PPEF2: variants seen among roughly 807,000 people sequenced by gnomAD.
The protein encoded by PPEF2 is serine/threonine-protein phosphatase with EF-hands 2.
In PPEF2, 84 loss-of-function variants were observed where a neutral mutation model predicts 84.7. The ratio of observed to expected loss-of-function variants is 0.99; its 90% CI spans 0.83 to 1.19. The LOEUF is 1.19. Ranked by LOEUF, PPEF2 falls within the 50% of genes most tolerant of loss-of-function variation. The pLI is 0.00. For missense variants in PPEF2, 924 were observed against 937.5 expected (o/e 0.99, Z 0.19); for synonymous variants, 346 against 345.2 (o/e 1.00, Z -0.03).
intron 16 of PPEF2, among the ~76,000 whole-genome samples, chr4:75,862,138 C>G (rs570337275): frequency 6.6e-6 from 1 of 150,944 alleles, no homozygotes; most frequent in African/African-American, 2.4e-5. Context: ...ACTAAAAATA[C>G]AAAAATTAGC....
At chr4:75,881,794 T>C (rs981820166) in intron 10 of PPEF2, 5 of 152,168 alleles carry the variant, frequency 3.3e-5, no homozygotes, top group Admixed American at 3.3e-4. Flanking sequence ...CAGCCAACAA[T>C]TGCCTATTCC....
intron 1 of PPEF2, among the ~76,000 whole-genome samples, chr4:75,899,831 C>T (rs990102493): frequency 7.2e-5 from 11 of 152,128 alleles, no homozygotes; most frequent in African/African-American, 2.7e-4. Flanking sequence ...GAAGGGACTT[C>T]AGCAATGATT....
At chr4:75,897,195 A>G (rs552729401) in intron 1 of PPEF2, among the ~76,000 whole-genome samples, 24 of 152,182 alleles carry the variant, frequency 1.6e-4, no homozygotes, top group African/African-American at 5.8e-4. Flanking sequence ...AGCTTCTGTG[A>G]TACTAAACTC....
rs188079891 is a variant in PPEF2 at position 75,878,830 on chromosome 4, G to T, written c.934-2157C>A. Among the ~76,000 whole-genome samples the T allele has an allele frequency of 1.2e-4, 19 of 152,256 alleles. No homozygotes were observed. In the East Asian group the frequency reaches 3.3e-3, roughly 26 times the overall value. Reference sequence around the variant, plus strand: ...AGTCTCGCTCTGTCACCAGGCTGGAGTGCAGTGGTGCGATCTCAGCTCACC... The same window carrying T: ...AGTCTCGCTCTGTCACCAGGCTGGATTGCAGTGGTGCGATCTCAGCTCACC... On this transcript the variant is annotated intron_variant, in intron 10 of 16. Coordinates refer to ENST00000286719, the MANE Select transcript of PPEF2 (RefSeq NM_006239.3).
At chr4:75,867,193 G>T in intron 14 of PPEF2, 120 bp downstream of exon 14, 1 of 648,364 alleles carries the variant, frequency 1.5e-6, no homozygotes, top group Non-Finnish European at 2.6e-6. Flanking sequence ...GGAGGATATA[G>T]CCAAAGGGAA....
At chr4:75,892,273 G>T (rs369688698) in intron 2 of PPEF2, among the ~76,000 whole-genome samples, 2 of 152,180 alleles carry the variant, frequency 1.3e-5, no homozygotes, top group South Asian at 4.1e-4. Context: ...GGATGAAAAG[G>T]TTGGACTGCC....
rs1186840184 is a variant in PPEF2, at chr4:75,879,084, G to C, written c.934-2411C>G. On this transcript the variant is annotated intron_variant, in intron 10 of 16. Transcript: ENST00000286719. Reference sequence around the variant, plus strand: ...GTTTTCCCCATCTTATGTTTCCAGTGATTTTTAACATCCACTGTAGACTGA... The same window carrying C: ...GTTTTCCCCATCTTATGTTTCCAGTCATTTTTAACATCCACTGTAGACTGA... 3.3e-5 allele frequency among the ~76,000 whole-genome samples: 5 copies of C among 152,258 alleles called. No individual in the cohort carries two copies. In the East Asian group the frequency reaches 9.6e-4, roughly 29 times the overall value.
intron 2 of PPEF2, among the ~76,000 whole-genome samples, chr4:75,894,360 C>A (rs1003143353): frequency 1.3e-5 from 2 of 151,890 alleles, no homozygotes; most frequent in Non-Finnish European, 2.9e-5. Context: ...TTATGACATC[C>A]CTTTAAGGAA....
rs1019921568 is a variant in PPEF2 at position 75,873,193 on chromosome 4, G to A, written c.1440C>T (p.Asn480=). Residue 480 remains asparagine, a synonymous_variant, in exon 12 of 17, where the codon AAC becomes AAT. Transcript: ENST00000286719. ...CATGTGAACGGATCAGGAATTGCAT[G>A]TTGTATTTTTGTAGCAACTGTTGTG... ...DVTQQLLQKY[N]MQFLIRSHEC... is the part of the protein sequence containing the mutation. 5 of 1,613,978 alleles carry A rather than the reference G, an allele frequency of 3.1e-6. No individual in the cohort carries two copies. The highest frequency in any genetic ancestry group is 3.4e-6 in the Non-Finnish European group (4 of 1,179,952).
At chr4:75,873,407 G>A in intron 11 of PPEF2, 95 bp from the exon 12 acceptor site, 2 of 1,167,302 alleles carry the variant, frequency 1.7e-6, no homozygotes, top group South Asian at 3.2e-5. Context: ...GAAAATATTT[G>A]AATAAAAATA....
Position 75,866,188 on chromosome 4 carries a change from C to G in PPEF2, c.1920+1G>C. The G allele has an allele frequency of 6.2e-7, 1 of 1,609,480 alleles. No homozygotes were observed. Among genetic ancestry groups the G allele is most frequent in the Middle Eastern group, 1.7e-4 (1 of 6,030 alleles). On this transcript the variant is annotated splice_donor_variant, in intron 15 of 16. Coordinates refer to ENST00000286719, the MANE Select transcript of PPEF2 (RefSeq NM_006239.3). LOFTEE classifies it high-confidence loss of function. ...CTCATCCACCATTACCACACCGTTA[C>G]CTCGCGACTCAGTTGTTCCTTGGCC... is the stretch of plus-strand genomic sequence containing the variant.
intron 2 of PPEF2, among the ~76,000 whole-genome samples, chr4:75,892,628 C>T (rs1009773260): frequency 1.3e-5 from 2 of 152,196 alleles, no homozygotes; most frequent in African/African-American, 4.8e-5. Context: ...TCCCTACAGG[C>T]TTTAAGCACC....
At chr4:75,870,116 CCTACATTACTATTACATTA>C in intron 13 of PPEF2, among the ~76,000 whole-genome samples, 1 of 152,120 alleles carries the variant, frequency 6.6e-6, no homozygotes, top group East Asian at 1.9e-4. Flanking sequence ...TGTAGGGAAT[CCTACATTACTATTACATTA>C]CTACATTACT....
chr4:75,892,028 A>T, intron 2 of PPEF2, 50 bp from the exon 3 acceptor site: 1 of 1,600,106 alleles, frequency 6.2e-7, no homozygotes, highest in Non-Finnish European at 8.5e-7. Flanking sequence ...TCCCTGGGCC[A>T]GGGGTTTGGG....
Position 75,888,255 on chromosome 4 carries a change from TTGA to T in PPEF2, c.488_490del (p.Ile163del). 1 of 1,614,014 alleles carries T rather than the reference TTGA, an allele frequency of 6.2e-7. No homozygotes were observed. The stretch of plus-strand genomic sequence containing the variant: ...CTCACTGTAACAGGTTGAGACCCGG[TTGA>T]TGTTTGGCAGCTGTACCAGATGTTT... On this transcript the variant is annotated inframe_deletion, in exon 6 of 17. Transcript: ENST00000286719.
At position 75,891,572 on chromosome 4, in the gene PPEF2, C is replaced by CTG. The variant is rs957885795; in HGVS notation, c.241+74_241+75dup. On this transcript the variant is annotated intron_variant, in intron 4 of 16. Coordinates refer to ENST00000286719, the MANE Select transcript of PPEF2 (RefSeq NM_006239.3). The stretch of plus-strand genomic sequence containing the variant: ...GTCACCAGATTCACGGTTTCACTCC[C>CTG]TGTGCATCCCCCACCTCACCGTGTA... 2.7e-5 allele frequency: 39 copies of CTG among 1,470,186 alleles called. No individual in the cohort carries two copies. The African/African-American group carries it at 4.4e-4, about 16-fold the overall frequency. The allele number at this position is 1,470,186 out of a possible 1,614,324, so 91.1% of individuals were successfully genotyped here.
chr4:75,867,736 A>G (rs1392691714), intron 13 of PPEF2, among the ~76,000 whole-genome samples: 1 of 152,206 alleles, frequency 6.6e-6, no homozygotes, highest in African/African-American at 2.4e-5. Context: ...ACCTGTCTCC[A>G]CTTCACAGGA....
At chr4:75,866,465 A>G (rs1724134070) in intron 14 of PPEF2, 113 bp from the exon 15 acceptor site, 1 of 1,327,722 alleles carries the variant, frequency 7.5e-7, no homozygotes, top group South Asian at 1.3e-5. Flanking sequence ...TAATAGAAAT[A>G]ATGGGCACTG....
chr4:75,888,813 G>A (rs574622992), intron 5 of PPEF2, among the ~76,000 whole-genome samples: 4 of 152,252 alleles, frequency 2.6e-5, no homozygotes, highest in Non-Finnish European at 5.9e-5. Context: ...CCAAGCCACT[G>A]TCATCTTTCG....
Sources: allele counts gnomAD v4.1 joint callset (sites outside exome capture counted in the v4.1 genomes callset), GRCh38; gene constraint gnomAD v4.1.1; transcripts MANE v1.5; gene names NCBI Gene and HGNC (gene_info 2026-07-23, HGNC 2026-07-21).